The following KIAA0930 variants were observed in gnomAD, a reference collection of about 807,000 sequenced individuals.
KIAA0930 encodes uncharacterized protein KIAA0930.
A neutral mutation model predicts 43.9 loss-of-function variants in KIAA0930; 24 were observed. That is an observed-to-expected ratio of 0.55 (90% CI 0.40 to 0.77). The LOEUF (loss-of-function observed/expected upper bound fraction) is 0.77, where lower values mean the gene tolerates loss of function less well. KIAA0930 is among the 30% of genes least tolerant of loss of function. KIAA0930 has a pLI of 0.00. For synonymous variants in KIAA0930, 259 were observed against 216.4 expected (o/e 1.20, Z -1.73); for missense variants, 461 against 574.2 (o/e 0.80, Z 2.02).
At position 45,205,777 on chromosome 22, in the gene KIAA0930, C is replaced by CCCAAA; in HGVS notation, c.336+15_336+16insTTTGG. The CCCAAA allele has an allele frequency of 6.4e-7, 1 of 1,553,564 alleles. No homozygotes were observed. The highest frequency in any genetic ancestry group is 8.9e-7 in the Non-Finnish European group (1 of 1,128,736). ...CCACAGGGCCAATCCGCAGCCCCAC[C>CCCAAA]CATCCCACCCCATACCTTCTGCAGG... On this transcript the variant is annotated intron_variant, in intron 3 of 9. Transcript: ENST00000336156.
At chr22:45,211,578 G>T (rs1166431330) in intron 2 of KIAA0930, 4 of 467,320 alleles carry the variant, frequency 8.6e-6, no homozygotes, top group Admixed American at 7.6e-5. Context: ...CACTGAGTCA[G>T]GTCACCCTGC....
At chr22:45,199,808 G>A (rs2083570202) in intron 8 of KIAA0930, 65 bp downstream of exon 8, 2 of 1,335,834 alleles carry the variant, frequency 1.5e-6, no homozygotes, top group Non-Finnish European at 2.0e-6. Context: ...ATGAATGAAT[G>A]ACTGGTCTGG....
At chr22:45,214,297 G>A (rs2083717980) in intron 1 of KIAA0930, among the ~76,000 whole-genome samples, 1 of 152,040 alleles carries the variant, frequency 6.6e-6, no homozygotes, top group African/African-American at 2.4e-5. Context: ...GAGAAATGAA[G>A]CACATGTCCA....
At chr22:45,231,420 G>A (rs1000866385) in intron 1 of KIAA0930, among the ~76,000 whole-genome samples, 1 of 151,832 alleles carries the variant, frequency 6.6e-6, no homozygotes, top group African/African-American at 2.4e-5. Context: ...CATTGGCAGT[G>A]GGGCCTGAAG....
chr22:45,214,609 T>C (rs1016564936), intron 1 of KIAA0930, among the ~76,000 whole-genome samples: 1 of 152,114 alleles, frequency 6.6e-6, no homozygotes. Context: ...CGTATAACCA[T>C]CAAAACTCAT....
intron 1 of KIAA0930, among the ~76,000 whole-genome samples, chr22:45,234,528 C>T (rs906899779): frequency 6.6e-6 from 1 of 152,242 alleles, no homozygotes; most frequent in Non-Finnish European, 1.5e-5. Flanking sequence ...AAAGGGTTCT[C>T]CTTCAGCCCC....
chr22:45,217,221 C>T (rs1314888279), intron 1 of KIAA0930, among the ~76,000 whole-genome samples: 1 of 151,942 alleles, frequency 6.6e-6, no homozygotes, highest in South Asian at 2.1e-4. Context: ...ATTAGCCGGG[C>T]ATGGTGGCGG....
At chr22:45,212,220 G>A (rs1350038056) in intron 1 of KIAA0930, 113 bp from the exon 2 acceptor site, 1 of 1,612,666 alleles carries the variant, frequency 6.2e-7, no homozygotes, top group Admixed American at 1.7e-5. Context: ...AATTTGCGAG[G>A]GCTCTGAGAT....
intron 1 of KIAA0930, among the ~76,000 whole-genome samples, chr22:45,239,290 C>T (rs533972788): frequency 1.3e-5 from 2 of 152,362 alleles, no homozygotes; most frequent in East Asian, 3.9e-4. Context: ...CACGGTGGCA[C>T]ACAGTAGGTG....
At chr22:45,213,242 CCAGCCCCAGCCCT>C in intron 1 of KIAA0930, 1 of 1,170,346 alleles carries the variant, frequency 8.5e-7, no homozygotes, top group Non-Finnish European at 1.1e-6. Context: ...GGACTCACAG[CCAGCCCCAGCCCT>C]CGGCCCTCAG....
rs1039927555 is a variant in KIAA0930, at chr22:45,193,482, A to G, written c.*3694T>C. The G allele has an allele frequency of 6.6e-6, 1 of 152,156 alleles. No homozygotes were observed. The highest frequency in any genetic ancestry group is 1.5e-5 in the Non-Finnish European group (1 of 68,024). The allele number at this position is 152,156 out of a possible 1,614,324, so 9.4% of individuals were successfully genotyped here. A position where few individuals can be genotyped will look rare whatever the true frequency, so the allele number is the denominator to read the frequency against. On this transcript the variant is annotated 3_prime_UTR_variant, in exon 10 of 10. Coordinates refer to ENST00000336156, the MANE Select transcript of KIAA0930 (RefSeq NM_001009880.2). ...AAGTCTTCTACTAACTAGTCTATTT[A>G]TGATTAAAACAGCAAAAACAGATCC...
chr22:45,223,167 TAAAC>T (rs1322966576), intron 1 of KIAA0930, among the ~76,000 whole-genome samples: 1 of 152,174 alleles, frequency 6.6e-6, no homozygotes, highest in Non-Finnish European at 1.5e-5. Flanking sequence ...AGTAATTAAA[TAAAC>T]TAACTTATAA....
chr22:45,227,786 T>G (rs2083811629), intron 1 of KIAA0930, among the ~76,000 whole-genome samples: 1 of 152,202 alleles, frequency 6.6e-6, no homozygotes, highest in Non-Finnish European at 1.5e-5. Context: ...TGTCGCAGCC[T>G]CTGATAGAGA....
chr22:45,220,683 C>A (rs752708485), intron 1 of KIAA0930, among the ~76,000 whole-genome samples: 1 of 152,114 alleles, frequency 6.6e-6, no homozygotes, highest in Non-Finnish European at 1.5e-5. Flanking sequence ...CAGCCTCAAG[C>A]GATCCTCCCA....
rs532028360 is a variant in KIAA0930, at chr22:45,222,478, T to G, written c.65-10371A>C. 3.3e-5 allele frequency among the ~76,000 whole-genome samples: 5 copies of G among 151,722 alleles called. No individual in the cohort carries two copies. In the East Asian group the frequency reaches 9.7e-4, roughly 29 times the overall value. On this transcript the variant is annotated intron_variant, in intron 1 of 9. Coordinates refer to ENST00000336156, the MANE Select transcript of KIAA0930 (RefSeq NM_001009880.2). ...GCGCACGCCACCACACCTGGCTACT[T>G]TTTGTATTTTTTGTAGAGATGAGGT...
At chr22:45,200,119 AACAACCTG>A in intron 7 of KIAA0930, 84 bp from the exon 8 acceptor site, 1 of 1,362,786 alleles carries the variant, frequency 7.3e-7, no homozygotes, top group Non-Finnish European at 9.8e-7. Flanking sequence ...CCCACCCTCA[AACAACCTG>A]ACACAGCTCC....
chr22:45,220,587 ATTATT>A (rs2083761455), intron 1 of KIAA0930, among the ~76,000 whole-genome samples: 1 of 152,140 alleles, frequency 6.6e-6, no homozygotes, highest in South Asian at 2.1e-4. Context: ...ATTTTTATTT[ATTATT>A]TTATGTTGGG....
intron 1 of KIAA0930, among the ~76,000 whole-genome samples, chr22:45,220,409 G>A (rs565592029): frequency 3.3e-5 from 5 of 151,882 alleles, no homozygotes; most frequent in East Asian, 3.9e-4. Flanking sequence ...GATCGAGATC[G>A]GGCCACTCCA....
At chr22:45,225,325 G>A (rs770188576) in intron 1 of KIAA0930, among the ~76,000 whole-genome samples, 6 of 152,154 alleles carry the variant, frequency 3.9e-5, no homozygotes, top group Admixed American at 1.3e-4. Flanking sequence ...TGGGGGAGGG[G>A]AGCTGGACCA....
Sources: gnomAD v4.1 joint callset for allele counts (sites outside exome capture counted in the v4.1 genomes callset) on GRCh38, gnomAD v4.1.1 for gene constraint, MANE v1.5 for transcripts, NCBI Gene and HGNC (gene_info 2026-07-23, HGNC 2026-07-21) for gene names.